TIGAR: variants seen among roughly 807,000 people sequenced by gnomAD.
TIGAR encodes fructose-2,6-bisphosphatase TIGAR.
TIGAR carries 7 observed loss-of-function variants against 17.9 expected under a neutral mutation model. The observed-to-expected ratio is 0.39, with a 90% CI of 0.22 to 0.73. The LOEUF (loss-of-function observed/expected upper bound fraction) is 0.73, where lower values mean the gene tolerates loss of function less well. Among genes scored for constraint, TIGAR ranks in the 30% least tolerant of loss-of-function variants. TIGAR has a pLI of 0.42. For synonymous variants in TIGAR, 94 were observed against 108.6 expected, an observed-to-expected ratio of 0.87 and a Z score of 0.84; for missense variants, 258 against 327.4, an observed-to-expected ratio of 0.79 and a Z score of 1.64.
intron 2 of TIGAR, chr12:4,335,622 C>T (rs1405876424): frequency 6.6e-6 from 1 of 152,202 alleles, no homozygotes; most frequent in Non-Finnish European, 1.5e-5. Context: ...ATGATGGTAC[C>T]CTCATCTCAA....
intron 1 of TIGAR, among the ~76,000 whole-genome samples, chr12:4,322,351 T>G (rs1048141638): frequency 2.6e-5 from 4 of 152,230 alleles, no homozygotes; most frequent in African/African-American, 9.6e-5. Context: ...GTTCTCCAGC[T>G]AAGAGCCAGG....
At chr12:4,331,867 T>C (rs1864606755) in intron 2 of TIGAR, among the ~76,000 whole-genome samples, 1 of 152,220 alleles carries the variant, frequency 6.6e-6, no homozygotes, top group Non-Finnish European at 1.5e-5. Context: ...TCTTGAACTT[T>C]TGGCTAGACA....
chr12:4,328,168 G>A (rs1864566641), intron 1 of TIGAR, among the ~76,000 whole-genome samples: 1 of 152,122 alleles, frequency 6.6e-6, no homozygotes, highest in Non-Finnish European at 1.5e-5. Flanking sequence ...CATTTTATAA[G>A]ATTCTGAATG....
chr12:4,343,111 A>G (rs1338756177), intron 3 of TIGAR, among the ~76,000 whole-genome samples: 1 of 152,206 alleles, frequency 6.6e-6, no homozygotes, highest in Non-Finnish European at 1.5e-5. Context: ...AATGGACTTT[A>G]AACCAGCAAA....
chr12:4,324,564 G>C lies in TIGAR; in HGVS notation c.32+3261G>C. ...CCACCATCTTGGGCAGGATGATCAT[G>C]TCCCGCAGGTGCGTCTTCACCACTT... On this transcript the variant is annotated intron_variant, in intron 1 of 5. Coordinates refer to ENST00000179259, the MANE Select transcript of TIGAR (RefSeq NM_020375.3). The C allele has an allele frequency of 2.5e-6, 4 of 1,605,614 alleles. No individual in the cohort carries two copies. In the Admixed American group the frequency reaches 6.8e-5, roughly 27 times the overall value.
chr12:4,324,906 A>T, intron 1 of TIGAR: 2 of 351,178 alleles, frequency 5.7e-6, no homozygotes, highest in Non-Finnish European at 1.0e-5. Flanking sequence ...ACTTTTAATG[A>T]TTTAAAAATG....
At chr12:4,344,505 C>T (rs967046703) in intron 3 of TIGAR, among the ~76,000 whole-genome samples, 4 of 152,182 alleles carry the variant, frequency 2.6e-5, no homozygotes, top group Non-Finnish European at 5.9e-5. Flanking sequence ...AATCCAGCAG[C>T]GCAACAAAAA....
At chr12:4,326,339 C>A (rs1365497168) in intron 1 of TIGAR, among the ~76,000 whole-genome samples, 2 of 152,194 alleles carry the variant, frequency 1.3e-5, no homozygotes, top group Admixed American at 1.3e-4. Context: ...CTGTTTTAGC[C>A]ATCAAGTTTC....
intron 3 of TIGAR, among the ~76,000 whole-genome samples, chr12:4,340,660 A>G (rs1484881690): frequency 6.6e-6 from 1 of 152,250 alleles, no homozygotes; most frequent in Non-Finnish European, 1.5e-5. Flanking sequence ...AAAGAGCTAT[A>G]GAAACCAAAA....
At position 4,352,826 on chromosome 12, in the gene TIGAR, C is replaced by A; in HGVS notation, c.*135C>A. On this transcript the variant is annotated 3_prime_UTR_variant, in exon 6 of 6. Coordinates refer to ENST00000179259, the MANE Select transcript of TIGAR (RefSeq NM_020375.3). Reference sequence around the variant, plus strand: ...ATTTTTAGCTCCAGTGGAACCATAGCCACATAAAACTTTAATGGACAACCA... The same window carrying A: ...ATTTTTAGCTCCAGTGGAACCATAGACACATAAAACTTTAATGGACAACCA... 1.4e-6 allele frequency: 1 copy of A among 734,644 alleles called. No individual in the cohort carries two copies. The highest frequency in any genetic ancestry group is 2.2e-6 in the Non-Finnish European group (1 of 461,630). The allele number at this position is 734,644 out of a possible 1,614,324, so 45.5% of individuals were successfully genotyped here.
At chr12:4,327,917 C>T (rs540168850) in intron 1 of TIGAR, among the ~76,000 whole-genome samples, 2 of 152,238 alleles carry the variant, frequency 1.3e-5, no homozygotes, top group South Asian at 2.1e-4. Flanking sequence ...CCGCCTGCTT[C>T]GGCCTCCCAA....
rs770374600 is a variant in TIGAR at position 4,355,817 on chromosome 12, A to G, written c.*3126A>G. The stretch of plus-strand genomic sequence containing the variant: ...TGGTGGGAGGAATGCTGCTTTATCC[A>G]GGATGGGCAGGGAGGACTCGATGGT... On this transcript the variant is annotated 3_prime_UTR_variant, in exon 6 of 6. Transcript: ENST00000179259. Among the ~76,000 whole-genome samples the G allele has an allele frequency of 6.6e-6, 1 of 152,210 alleles. No individual in the cohort carries two copies. Among genetic ancestry groups the G allele is most frequent in the Non-Finnish European group, 1.5e-5 (1 of 68,034 alleles).
At position 4,349,921 on chromosome 12, in the gene TIGAR, T is replaced by C. The variant is rs751051367; in HGVS notation, c.270+25T>C. 2.2e-5 allele frequency: 33 copies of C among 1,487,090 alleles called. No individual in the cohort carries two copies. In the South Asian group the frequency reaches 4.1e-4, roughly 18 times the overall value. The allele number at this position is 1,487,090 out of a possible 1,614,324, so 92.1% of individuals were successfully genotyped here. ...GGTGAGTAACTTATTTACATATTGT[T>C]CTTCCCCATAAATTATCAGTAAGCC... On this transcript the variant is annotated intron_variant, in intron 4 of 5. Coordinates refer to ENST00000179259, the MANE Select transcript of TIGAR (RefSeq NM_020375.3).
intron 1 of TIGAR, chr12:4,324,392 G>T: frequency 2.5e-6 from 3 of 1,179,404 alleles, no homozygotes; most frequent in Non-Finnish European, 3.8e-6. Flanking sequence ...GGGATGAAGC[G>T]GGAGGAGTGG....
rs536081319 is a variant in TIGAR at position 4,357,976 on chromosome 12, C to A, written c.*5285C>A. Among the ~76,000 whole-genome samples, 1 of 151,808 alleles carries A rather than the reference C, an allele frequency of 6.6e-6. No individual in the cohort carries two copies. The highest frequency in any genetic ancestry group is 1.5e-5 in the Non-Finnish European group (1 of 67,990). On this transcript the variant is annotated 3_prime_UTR_variant, in exon 6 of 6. Coordinates refer to ENST00000179259, the MANE Select transcript of TIGAR (RefSeq NM_020375.3). ...AAAATTAGCCAGGCCTGGTGGCCGG[C>A]GCCTGTAGTCCCAGCTACTTGGGAG...
intron 1 of TIGAR, chr12:4,324,610 G>C: frequency 6.4e-7 from 1 of 1,565,310 alleles, no homozygotes; most frequent in Non-Finnish European, 8.7e-7. Context: ...CATGGGCGGT[G>C]CCTCCTTCTT....
At chr12:4,329,992 C>G (rs61006360) in intron 1 of TIGAR, among the ~76,000 whole-genome samples, 7,390 of 152,122 alleles carry the variant, frequency 0.049, 521 homozygotes, top group East Asian at 0.33. Flanking sequence ...GGGAGGGAGA[C>G]TACCTAAAAG....
In TIGAR at chr12:4,351,402, A is replaced by G. The variant is rs867964178; in HGVS notation, c.381+25A>G. 5.7e-6 allele frequency: 9 copies of G among 1,592,140 alleles called. 1 individual carries two copies. The African/African-American group carries it at 1.2e-4, about 21-fold the overall frequency. Reference sequence around the variant, plus strand: ...GGTATGTGGCGCTGCCGATGTCAGAATGGTTGAATTAAGACTCAAAATTAG... The same window carrying G: ...GGTATGTGGCGCTGCCGATGTCAGAGTGGTTGAATTAAGACTCAAAATTAG... On this transcript the variant is annotated intron_variant, in intron 5 of 5. Coordinates refer to ENST00000179259, the MANE Select transcript of TIGAR (RefSeq NM_020375.3).
rs564530863 is a variant in TIGAR at position 4,357,073 on chromosome 12, C to G, written c.*4382C>G. On this transcript the variant is annotated 3_prime_UTR_variant, in exon 6 of 6. Transcript: ENST00000179259. ...ATGTCATACTCAGCAAGGACATGCT[C>G]ATATTAGGGGAAGCACATAAAGTAA... 6.6e-6 allele frequency among the ~76,000 whole-genome samples: 1 copy of G among 152,172 alleles called. No homozygotes were observed. Among genetic ancestry groups the G allele is most frequent in the Non-Finnish European group, 1.5e-5 (1 of 68,040 alleles).
Sources: gnomAD v4.1 joint callset for allele counts (sites outside exome capture counted in the v4.1 genomes callset) on GRCh38, gnomAD v4.1.1 for gene constraint, MANE v1.5 for transcripts, NCBI Gene and HGNC (gene_info 2026-07-23, HGNC 2026-07-21) for gene names.